The following AREG variants were observed in gnomAD, a reference collection of about 807,000 sequenced individuals.
AREG encodes the protein amphiregulin.
A neutral mutation model predicts 28.0 loss-of-function variants in AREG; 16 were observed. That is an observed-to-expected ratio of 0.57 (90% confidence interval 0.39 to 0.87). The LOEUF is 0.87. Among genes scored for constraint, AREG ranks in the 40% least tolerant of loss-of-function variants. The pLI is 0.00. For missense variants in AREG, 287 were observed against 309.1 expected, an observed-to-expected ratio of 0.93 and a Z score of 0.53; for synonymous variants, 113 against 113.5, an observed-to-expected ratio of 1.00 and a Z score of 0.02.
At chr4:74,449,702 C>G in intron 3 of AREG, among the ~76,000 whole-genome samples, 1 of 152,148 alleles carries the variant, frequency 6.6e-6, no homozygotes, top group East Asian at 1.9e-4. Flanking sequence ...CTGCAGTGAG[C>G]CGTGATCGCA....
At chr4:74,450,581 A>T in intron 4 of AREG, 49 bp downstream of exon 4, 1 of 1,605,916 alleles carries the variant, frequency 6.2e-7, no homozygotes, top group East Asian at 2.2e-5. Context: ...TGGGAGGTTA[A>T]TTTTTTCAGT....
chr4:74,453,942 T>C (rs1421760137), intron 5 of AREG, among the ~76,000 whole-genome samples: 1 of 150,500 alleles, frequency 6.6e-6, no homozygotes, highest in African/African-American at 2.5e-5. Context: ...AAAAAAAGAA[T>C]TACTTGAGAT....
In AREG at chr4:74,454,755, A is replaced by C; in HGVS notation, c.*19-4A>C. ...TTATTTTATTTTATTTTATTTTCTC[A>C]CAGGATATCACATTGGAGTCACTGC... On this transcript the variant is annotated splice_polypyrimidine_tract_variant and splice_region_variant and intron_variant, in intron 5 of 5. Coordinates refer to ENST00000395748, the MANE Select transcript of AREG (RefSeq NM_001657.4). 1 of 681,662 alleles carries C rather than the reference A, an allele frequency of 1.5e-6. No individual in the cohort carries two copies. 42.2% of individuals were successfully genotyped at this position (681,662 alleles called of 1,614,324 possible). A position where few individuals can be genotyped will look rare whatever the true frequency, so the allele number is the denominator to read the frequency against.
Position 74,445,163 on chromosome 4 carries a change from C to T in AREG, c.-183C>T, listed in dbSNP as rs1719245786. On this transcript the variant is annotated 5_prime_UTR_variant, in exon 1 of 6. Coordinates refer to ENST00000395748, the MANE Select transcript of AREG (RefSeq NM_001657.4). ...ACGTTCGCACACCTGGGTGCCAGCG[C>T]CCCAGAGGTCCCGGGACAGCCCGAG... 3 of 1,365,812 alleles carry T rather than the reference C, an allele frequency of 2.2e-6. No individual in the cohort carries two copies. Among genetic ancestry groups the T allele is most frequent in the Non-Finnish European group, 2.9e-6 (3 of 1,025,270 alleles). 84.6% of individuals were successfully genotyped at this position (1,365,812 alleles called of 1,614,324 possible). A position where few individuals can be genotyped will look rare whatever the true frequency, so the allele number is the denominator to read the frequency against.
At chr4:74,451,357 G>C (rs1320058030) in intron 4 of AREG, among the ~76,000 whole-genome samples, 1 of 152,180 alleles carries the variant, frequency 6.6e-6, no homozygotes, top group Non-Finnish European at 1.5e-5. Context: ...TGACTCATGT[G>C]CTACTAGAGC....
At chr4:74,453,084 C>T (rs887634064) in intron 5 of AREG, among the ~76,000 whole-genome samples, 1 of 152,114 alleles carries the variant, frequency 6.6e-6, no homozygotes, top group African/African-American at 2.4e-5. Flanking sequence ...CGTTGAAGGA[C>T]TAGTGAGATT....
intron 5 of AREG, among the ~76,000 whole-genome samples, chr4:74,454,386 A>G (rs1316626890): frequency 6.6e-6 from 1 of 152,224 alleles, no homozygotes; most frequent in African/African-American, 2.4e-5. Context: ...TTAACTATAT[A>G]TCATAAATAT....
intron 1 of AREG, 107 bp downstream of exon 1, chr4:74,445,513 C>T: frequency 6.5e-7 from 1 of 1,536,778 alleles, no homozygotes; most frequent in Non-Finnish European, 8.8e-7. Flanking sequence ...TTCCCCCGAC[C>T]CTGCGCCGCA....
chr4:74,448,859 GGTAGA>G, intron 2 of AREG, 183 bp from the exon 3 acceptor site: 1 of 811,126 alleles, frequency 1.2e-6, no homozygotes, highest in Non-Finnish European at 1.8e-6. Flanking sequence ...ACTACTTTCA[GGTAGA>G]AAAAACTGAA....
intron 2 of AREG, among the ~76,000 whole-genome samples, chr4:74,447,137 T>C (rs1272401388): frequency 6.6e-6 from 1 of 152,232 alleles, no homozygotes; most frequent in East Asian, 1.9e-4. Flanking sequence ...TGTTTGATTC[T>C]ATGCAGAAGA....
chr4:74,446,470 A>G (rs1318195927), intron 1 of AREG, 64 bp from the exon 2 acceptor site: 1 of 1,613,632 alleles, frequency 6.2e-7, no homozygotes, highest in Non-Finnish European at 8.5e-7. Context: ...TCTACCTAAC[A>G]CAGCTGACTC....
intron 2 of AREG, among the ~76,000 whole-genome samples, chr4:74,447,626 T>C (rs1202501470): frequency 1.3e-5 from 2 of 152,194 alleles, no homozygotes; most frequent in Non-Finnish European, 2.9e-5. Flanking sequence ...CTAAATATCC[T>C]AAGAGCATCC....
intron 4 of AREG, 66 bp from the exon 5 acceptor site, chr4:74,452,478 A>C: frequency 6.3e-7 from 1 of 1,597,908 alleles, no homozygotes; most frequent in Non-Finnish European, 8.6e-7. Context: ...TCTACTCATA[A>C]AAACCCCAAT....
At chr4:74,450,237 C>A in intron 3 of AREG, 143 bp from the exon 4 acceptor site, 2 of 1,343,500 alleles carry the variant, frequency 1.5e-6, no homozygotes, top group East Asian at 2.3e-5. Flanking sequence ...AGAATGCATT[C>A]TGTGTCTCAT....
chr4:74,450,461 A>C lies in AREG; in HGVS notation c.594A>C (p.Lys198Asn). Reference protein sequence around the residue: ...THSMIDSSLSKIALAAIAAFM... With the variant: ...THSMIDSSLSNIALAAIAAFM... ...GCATGATTGACAGTAGTTTATCAAA[A>C]ATTGCATTAGCAGCCATAGCTGCCT... The change falls in exon 4 of 6, where the codon AAA becomes AAC. Residue 198 changes from lysine to asparagine, a missense_variant. Lys to Asn is a moderately conservative substitution (Grantham distance 94). Coordinates refer to ENST00000395748, the MANE Select transcript of AREG (RefSeq NM_001657.4). The C allele has an allele frequency of 1.2e-6, 2 of 1,613,980 alleles. No homozygotes were observed. The highest frequency in any genetic ancestry group is 1.7e-6 in the Non-Finnish European group (2 of 1,179,850).
At chr4:74,446,449 A>C in intron 1 of AREG, 85 bp from the exon 2 acceptor site, 1 of 1,610,404 alleles carries the variant, frequency 6.2e-7, no homozygotes, top group Non-Finnish European at 8.5e-7. Flanking sequence ...TGATGTCAAA[A>C]GATAAACTTT....
chr4:74,446,664 C>A lies in AREG; in HGVS notation c.192C>A (p.Ser64=). ...RSEMSSGSEI[S]PVSEMPSSSE... is the part of the protein sequence containing the mutation. ...AGATGTCTTCAGGGAGTGAGATTTC[C>A]CCTGTGAGTGAAATGCCTTCTAGTA... Residue 64 remains serine (S), a synonymous_variant, in exon 2 of 6, where the codon TCC becomes TCA. Coordinates refer to ENST00000395748, the MANE Select transcript of AREG (RefSeq NM_001657.4). The A allele has an allele frequency of 6.2e-7, 1 of 1,613,868 alleles. No homozygotes were observed. Among genetic ancestry groups the A allele is most frequent in the Non-Finnish European group, 8.5e-7 (1 of 1,179,856 alleles).
chr4:74,449,231 G>A lies in AREG; in HGVS notation c.495G>A (p.Leu165=), dbSNP rs1175669531. 1 of 1,613,318 alleles carries A rather than the reference G, an allele frequency of 6.2e-7. No homozygotes were observed. The highest frequency in any genetic ancestry group is 1.1e-5 in the South Asian group (1 of 90,988). The part of the protein sequence containing the change: ...IHGECKYIEH[L]EAVTCKCQQE... ...GAGAATGCAAATATATAGAGCACCT[G>A]GAAGCAGTAACATGCAAGTAAGTTT... is the stretch of plus-strand genomic sequence containing the variant. Residue 165 remains leucine, a synonymous_variant, in exon 3 of 6, where the codon CTG becomes CTA. Transcript: ENST00000395748.
intron 1 of AREG, 123 bp from the exon 2 acceptor site, chr4:74,446,411 A>G (rs1719286880): frequency 3.9e-6 from 6 of 1,551,050 alleles, no homozygotes; most frequent in African/African-American, 1.4e-5. Context: ...CTCAATCACA[A>G]ACAATAGCAC....
Sources: allele counts gnomAD v4.1 joint callset (sites outside exome capture counted in the v4.1 genomes callset), GRCh38; gene constraint gnomAD v4.1.1; transcripts MANE v1.5; gene names NCBI Gene and HGNC (gene_info 2026-07-23, HGNC 2026-07-21).